PRKG1: variants seen among roughly 807,000 people sequenced by gnomAD.
The protein encoded by PRKG1 is protein kinase cGMP-dependent 1.
A neutral mutation model predicts 88.1 loss-of-function variants in PRKG1; 35 were observed. That is an observed-to-expected ratio of 0.40 (90% CI 0.30 to 0.53). PRKG1 has a LOEUF of 0.53. Ranked by LOEUF, PRKG1 falls within the 20% of genes least tolerant of loss-of-function variation. The pLI is 0.59. For missense variants in PRKG1, 540 were observed against 839.8 expected (o/e 0.64, Z 4.41); for synonymous variants, 303 against 292.5 (o/e 1.04, Z -0.37).
chr10:52,050,834 C>G (rs1435268516), intron 5 of PRKG1, among the ~76,000 whole-genome samples: 2 of 152,114 alleles, frequency 1.3e-5, no homozygotes, highest in African/African-American at 2.4e-5. Context: ...ATATCCCCAC[C>G]AAACTTTCAA....
At position 51,886,173 on chromosome 10, in the gene PRKG1, G is replaced by A. The variant is rs545355103; in HGVS notation, c.699-21334G>A. On this transcript the variant is annotated intron_variant, in intron 4 of 17. Transcript: ENST00000373980. ...CCAGAATAGCTGGGATTAAAGGCAT[G>A]GCCACCATGCCTGGCTCCCGAGTAA... 7.9e-5 allele frequency among the ~76,000 whole-genome samples: 12 copies of A among 152,242 alleles called. No homozygotes were observed. In the East Asian group the frequency reaches 2.3e-3, roughly 29 times the overall value.
intron 3 of PRKG1, among the ~76,000 whole-genome samples, chr10:51,482,005 T>C (rs1840377377): frequency 6.6e-6 from 1 of 152,222 alleles, no homozygotes; most frequent in African/African-American, 2.4e-5. Flanking sequence ...ACATTAGCAT[T>C]TTCTACTCTG....
intron 9 of PRKG1, among the ~76,000 whole-genome samples, chr10:52,203,124 CCTT>C (rs1564514647): frequency 6.6e-6 from 1 of 151,832 alleles, no homozygotes. Flanking sequence ...TAATTTGTGA[CCTT>C]CTAACTTTTT....
Position 51,020,647 on chromosome 10 carries a change from C to A in PRKG1, c.266+29003C>A, listed in dbSNP as rs60935621. Among the ~76,000 whole-genome samples the A allele has an allele frequency of 1.6e-3, 241 of 152,254 alleles. 1 individual carries two copies. Among genetic ancestry groups the A allele is most frequent in the African/African-American group, 5.7e-3 (238 of 41,552 alleles). On this transcript the variant is annotated intron_variant, in intron 1 of 17. Transcript: ENST00000401604. ...AAAATAGCTCAAAGGCGTCTCTTGG[C>A]AATATGAACAGTTTTCTCATAGATT...
chr10:51,161,763 T>C (rs547036620), intron 2 of PRKG1, among the ~76,000 whole-genome samples: 1 of 152,340 alleles, frequency 6.6e-6, no homozygotes, highest in Admixed American at 6.5e-5. Context: ...AATCTCTCCA[T>C]TCTTCACTTT....
chr10:51,197,895 A>C (rs1352735896), intron 2 of PRKG1, among the ~76,000 whole-genome samples: 1 of 151,472 alleles, frequency 6.6e-6, no homozygotes, highest in Non-Finnish European at 1.5e-5. Context: ...CTAATATATC[A>C]CCAAACTTGC....
chr10:51,851,544 G>C (rs1490099782), intron 4 of PRKG1, among the ~76,000 whole-genome samples: 2 of 152,192 alleles, frequency 1.3e-5, no homozygotes, highest in Non-Finnish European at 2.9e-5. Context: ...CCAGGGTCAA[G>C]ACTTCTCTGT....
At chr10:52,150,112 C>G (rs1837860995) in intron 8 of PRKG1, among the ~76,000 whole-genome samples, 1 of 149,990 alleles carries the variant, frequency 6.7e-6, no homozygotes, top group African/African-American at 2.5e-5. Context: ...CACCCCACTG[C>G]ACTCCAGCCT....
At chr10:51,210,792 A>T (rs1231180433) in intron 2 of PRKG1, among the ~76,000 whole-genome samples, 1 of 152,232 alleles carries the variant, frequency 6.6e-6, no homozygotes, top group Non-Finnish European at 1.5e-5. Flanking sequence ...GAATAGACCA[A>T]TAACAGGTCT....
intron 2 of PRKG1, among the ~76,000 whole-genome samples, chr10:51,357,409 C>CT (rs1237231085): frequency 6.6e-6 from 1 of 151,952 alleles, no homozygotes; most frequent in Non-Finnish European, 1.5e-5. Context: ...ACTCTCTCAT[C>CT]AAGGGTGACT....
intron 5 of PRKG1, among the ~76,000 whole-genome samples, chr10:51,995,309 C>T (rs1417209848): frequency 6.6e-6 from 1 of 152,028 alleles, no homozygotes; most frequent in Admixed American, 6.6e-5. Flanking sequence ...TAAACAGGAG[C>T]AGGTAATGTA....
chr10:52,267,120 G>C (rs1841593707), intron 10 of PRKG1, among the ~76,000 whole-genome samples: 1 of 151,828 alleles, frequency 6.6e-6, no homozygotes, highest in Non-Finnish European at 1.5e-5. Context: ...TAGACAACAG[G>C]AAAAATAAAA....
chr10:51,554,058 C>T (rs12240274), intron 3 of PRKG1, among the ~76,000 whole-genome samples: 25,722 of 77,854 alleles, frequency 0.33, 5,954 homozygotes, highest in East Asian at 0.87. Flanking sequence ...GTATGTGATA[C>T]GTGTATATAT....
At chr10:52,214,727 T>G (rs1282116094) in intron 9 of PRKG1, among the ~76,000 whole-genome samples, 1 of 152,088 alleles carries the variant, frequency 6.6e-6, no homozygotes, top group Non-Finnish European at 1.5e-5. Context: ...ACAGCGAAGT[T>G]CCATTAATGC....
chr10:51,180,659 T>C (rs1837318699), intron 2 of PRKG1, among the ~76,000 whole-genome samples: 1 of 152,192 alleles, frequency 6.6e-6, no homozygotes, highest in Non-Finnish European at 1.5e-5. Context: ...AGACCCCTAT[T>C]AAGATGAGCT....
chr10:51,770,844 C>G (rs1184377454), intron 3 of PRKG1, among the ~76,000 whole-genome samples: 1 of 152,004 alleles, frequency 6.6e-6, no homozygotes, highest in Non-Finnish European at 1.5e-5. Flanking sequence ...GACAGTTATT[C>G]AAAAAATGGC....
chr10:51,055,656 A>G (rs180943377), intron 1 of PRKG1, among the ~76,000 whole-genome samples: 70 of 151,946 alleles, frequency 4.6e-4, no homozygotes, highest in African/African-American at 1.6e-3. Context: ...GGAGAATGGC[A>G]TGAACCCAGG....
chr10:51,345,667 A>AAT (rs1276041207), intron 2 of PRKG1, among the ~76,000 whole-genome samples: 1 of 152,214 alleles, frequency 6.6e-6, no homozygotes, highest in East Asian at 1.9e-4. Context: ...AAGGAAGGGA[A>AAT]ATAGCCTTAT....
At chr10:51,621,575 G>A (rs1203110923) in intron 3 of PRKG1, among the ~76,000 whole-genome samples, 1 of 152,162 alleles carries the variant, frequency 6.6e-6, no homozygotes, top group African/African-American at 2.4e-5. Flanking sequence ...ATCATGCCAA[G>A]TTTATTATTC....
Sources: gnomAD v4.1 joint callset for allele counts (sites outside exome capture counted in the v4.1 genomes callset) on GRCh38, gnomAD v4.1.1 for gene constraint, MANE v1.5 for transcripts, NCBI Gene and HGNC (gene_info 2026-07-23, HGNC 2026-07-21) for gene names.